RNF17: variants seen among roughly 807,000 people sequenced by gnomAD.
The protein encoded by RNF17 is ring finger protein 17, also known as spermatogenesis associated 23.
A neutral mutation model predicts 200.5 loss-of-function variants in RNF17; 31 were observed. The observed-to-expected ratio is 0.15, with a 90% CI of 0.12 to 0.21. The LOEUF is 0.21. Among genes scored for constraint, RNF17 ranks in the 10% least tolerant of loss-of-function variants. RNF17 has a pLI of 1.00. For synonymous variants in RNF17, 606 were observed against 637.8 expected (o/e 0.95, Z 0.75); for missense variants, 1,628 against 1,905.1 (o/e 0.85, Z 2.71).
chr13:24,776,236 T>G lies in RNF17; in HGVS notation c.317+1332T>G, dbSNP rs575834468. ...CTTCATTTCTACTGCCTTATTTAAT[T>G]CTCATGTTATTTTGTGTAGCTCCTT... On this transcript the variant is annotated intron_variant, in intron 3 of 35. Coordinates refer to ENST00000255324, the MANE Select transcript of RNF17 (RefSeq NM_031277.3). Among the ~76,000 whole-genome samples, 3 of 152,314 alleles carry G rather than the reference T, an allele frequency of 2.0e-5. No individual in the cohort carries two copies. In the East Asian group the frequency reaches 5.8e-4, roughly 29 times the overall value.
chr13:24,819,901 T>G (rs1001934926), intron 15 of RNF17, among the ~76,000 whole-genome samples: 6 of 152,174 alleles, frequency 3.9e-5, no homozygotes, highest in Non-Finnish European at 8.8e-5. Flanking sequence ...AGGACTTCCA[T>G]TAGCATTTCT....
intron 16 of RNF17, among the ~76,000 whole-genome samples, chr13:24,827,985 G>A (rs1593362749): frequency 6.6e-6 from 1 of 152,120 alleles, no homozygotes; most frequent in African/African-American, 2.4e-5. Context: ...CCCAAGTACT[G>A]CTGCATTAGG....
intron 15 of RNF17, among the ~76,000 whole-genome samples, chr13:24,815,762 A>G (rs906600808): frequency 1.3e-5 from 2 of 151,964 alleles, no homozygotes; most frequent in African/African-American, 4.8e-5. Context: ...TTGTTTATTG[A>G]GTGTTTTTGT....
upstream of RNF17, chr13:24,764,115 C>G (rs1879174314): frequency 3.1e-6 from 4 of 1,294,894 alleles, no homozygotes. Context: ...GTTTGGCTAT[C>G]TGCAGGGGCT....
intron 17 of RNF17, among the ~76,000 whole-genome samples, chr13:24,831,097 A>T (rs1889330695): frequency 6.6e-6 from 1 of 152,172 alleles, no homozygotes. Flanking sequence ...TTTTTAAGCC[A>T]TGTTTTTCAT....
In RNF17 at chr13:24,774,797, C is replaced by T; in HGVS notation, c.226-16C>T. 1 of 1,560,024 alleles carries T rather than the reference C, an allele frequency of 6.4e-7. No individual in the cohort carries two copies. The highest frequency in any genetic ancestry group is 1.2e-5 in the South Asian group (1 of 86,782). On this transcript the variant is annotated splice_polypyrimidine_tract_variant and intron_variant, in intron 2 of 35. Transcript: ENST00000255324. ...ATTGGGTGACTTTGTTTTTTTAAACCTTATTTTGTCCTAAGGTTGCTACAG... is the reference window on the plus strand; with the variant it reads ...ATTGGGTGACTTTGTTTTTTTAAACTTTATTTTGTCCTAAGGTTGCTACAG...
chr13:24,805,036 A>G (rs967416535), intron 15 of RNF17, among the ~76,000 whole-genome samples: 2 of 152,116 alleles, frequency 1.3e-5, no homozygotes, highest in Non-Finnish European at 2.9e-5. Context: ...ATCTTGCCCA[A>G]GATCACACAG....
rs988589418 is a variant in RNF17 at position 24,800,181 on chromosome 13, A to C, written c.1590-185A>C. On this transcript the variant is annotated intron_variant, in intron 12 of 35. Coordinates refer to ENST00000255324, the MANE Select transcript of RNF17 (RefSeq NM_031277.3). ...AGCTGAGATTTCTTTCTGTGGAGGA[A>C]AACTGTCTCTGCTTATAAAAGCTAA... 9.4e-3 allele frequency among the ~76,000 whole-genome samples: 13 copies of C among 1,390 alleles called. No individual in the cohort carries two copies. The Non-Finnish European group carries it at 0.11, about 12-fold the overall frequency. 0.9% of individuals were successfully genotyped at this position (1,390 alleles called of 152,430 possible). A position where few individuals can be genotyped will look rare whatever the true frequency, so the allele number is the denominator to read the frequency against.
At chr13:24,760,534 T>A (rs1230341880), upstream of RNF17, among the ~76,000 whole-genome samples, 1 of 152,116 alleles carries the variant, frequency 6.6e-6, no homozygotes, top group Admixed American at 6.5e-5. Flanking sequence ...AAGAAAATAG[T>A]GGGAAAGCTC....
intron 18 of RNF17, among the ~76,000 whole-genome samples, chr13:24,838,100 G>T (rs1890205662): frequency 6.6e-6 from 1 of 152,076 alleles, no homozygotes; most frequent in Non-Finnish European, 1.5e-5. Flanking sequence ...GAAGAGATTG[G>T]ATAAATTCTG....
Position 24,778,480 on chromosome 13 carries a change from C to T in RNF17, c.429+74C>T, listed in dbSNP as rs998542416. 8.7e-6 allele frequency: 8 copies of T among 915,500 alleles called. No homozygotes were observed. The African/African-American group carries it at 1.2e-4, about 13-fold the overall frequency. The allele number at this position is 915,500 out of a possible 1,614,324, so 56.7% of individuals were successfully genotyped here. A position where few individuals can be genotyped will look rare whatever the true frequency, so the allele number is the denominator to read the frequency against. ...TTGTCTCTAGTAGCTCAACTTTCTT[C>T]TCCTATAATTATAGATTCTTTTGGA... On this transcript the variant is annotated intron_variant, in intron 4 of 35. Coordinates refer to ENST00000255324, the MANE Select transcript of RNF17 (RefSeq NM_031277.3).
the RNF17 span, chr13:24,751,570 TAA>T: frequency 6.6e-6 from 1 of 152,200 alleles, no homozygotes; most frequent in Non-Finnish European, 1.5e-5. Flanking sequence ...AAGGTTCAAG[TAA>T]AGACTCTGAA....
At position 24,779,667 on chromosome 13, in the gene RNF17, G is replaced by C; in HGVS notation, c.430G>C (p.Asp144His). The change falls in exon 5 of 36, where the codon GAC becomes CAC. Residue 144 changes from aspartate (D) to histidine (H), a missense_variant and splice_region_variant. By Grantham distance (81) the Asp-to-His change is moderately conservative. Transcript: ENST00000255324. ...GTATGTGATTTCCCTCCCTTCTTAG[G>C]ACACTAATACTGCAGAAGAAATTGA... ...TLLNSSAVMLDTNTAEEIDEA... is the reference protein window; with the variant it reads ...TLLNSSAVMLHTNTAEEIDEA... The C allele has an allele frequency of 1.9e-6, 3 of 1,608,426 alleles. No individual in the cohort carries two copies. Among genetic ancestry groups the C allele is most frequent in the Non-Finnish European group, 1.7e-6 (2 of 1,175,414 alleles).
At chr13:24,883,986 A>T (rs1315647572), downstream of RNF17, 1 of 1,614,176 alleles carries the variant, frequency 6.2e-7, no homozygotes. Context: ...CAATTGTACC[A>T]TCTGGGAAAA....
At position 24,854,134 on chromosome 13, in the gene RNF17, T is replaced by C; in HGVS notation, c.3600T>C (p.Pro1200=). 6.2e-7 allele frequency: 1 copy of C among 1,609,900 alleles called. No homozygotes were observed. Among genetic ancestry groups the C allele is most frequent in the Non-Finnish European group, 8.5e-7 (1 of 1,176,950 alleles). Reference sequence around the variant, plus strand: ...ATGATGGAACTATATTTGTAGTACCTAAACTATCAGGTGAGACCTTCTATG... The same window carrying C: ...ATGATGGAACTATATTTGTAGTACCCAAACTATCAGGTGAGACCTTCTATG... ...VGDDGTIFVV[P]KLSEFELIKM... The change falls in exon 25 of 36, where the codon CCT becomes CCC. Residue 1200 remains proline, a synonymous_variant. Coordinates refer to ENST00000255324, the MANE Select transcript of RNF17 (RefSeq NM_031277.3).
At chr13:24,884,359 A>G (rs757951816), downstream of RNF17, 2 of 1,614,188 alleles carry the variant, frequency 1.2e-6, no homozygotes, top group Non-Finnish European at 8.5e-7. Context: ...TCACGTCACC[A>G]TTAAAGAAAG....
chr13:24,831,566 T>C lies in RNF17; in HGVS notation c.2362-292T>C, dbSNP rs116171031. ...AGTTATAGAATCAGACTATAAATCATCCTGTAACCTGCTTTTTACAAGTAA... is the reference window on the plus strand; with the variant it reads ...AGTTATAGAATCAGACTATAAATCACCCTGTAACCTGCTTTTTACAAGTAA... On this transcript the variant is annotated intron_variant, in intron 17 of 35. Coordinates refer to ENST00000255324, the MANE Select transcript of RNF17 (RefSeq NM_031277.3). Among the ~76,000 whole-genome samples the C allele has an allele frequency of 2.5e-3, 383 of 152,364 alleles. 5 individuals carry two copies. Among genetic ancestry groups the C allele is most frequent in the African/African-American group, 8.9e-3 (372 of 41,584 alleles).
the RNF17 span, chr13:24,750,912 A>G: frequency 1.3e-5 from 2 of 152,224 alleles, no homozygotes; most frequent in Non-Finnish European, 2.9e-5. Context: ...ACTCGTCTAC[A>G]TAGTCTTGCT....
chr13:24,793,477 A>G (rs1434116972), intron 10 of RNF17, 131 bp downstream of exon 10: 17 of 846,828 alleles, frequency 2.0e-5, no homozygotes, highest in Non-Finnish European at 2.8e-5. Flanking sequence ...TATGAGTTAA[A>G]ACCTGTTCAT....
Sources: allele counts gnomAD v4.1 joint callset (sites outside exome capture counted in the v4.1 genomes callset), GRCh38; gene constraint gnomAD v4.1.1; transcripts MANE v1.5; gene names NCBI Gene and HGNC (gene_info 2026-07-23, HGNC 2026-07-21).